The following ATMIN variants were observed in gnomAD, a reference collection of about 807,000 sequenced individuals.
ATMIN encodes ATM INteracting protein.
In ATMIN, 24 loss-of-function variants were observed where a neutral mutation model predicts 49.2. The observed-to-expected ratio is 0.49, with a 90% CI of 0.35 to 0.69. The LOEUF (loss-of-function observed/expected upper bound fraction) is 0.69. Among genes scored for constraint, ATMIN ranks in the 30% least tolerant of loss-of-function variants. ATMIN has a pLI of 0.00. For synonymous variants in ATMIN, 450 were observed against 392.5 expected (o/e 1.15, Z -1.73); for missense variants, 1,037 against 1,005.5 (o/e 1.03, Z -0.42).
chr16:81,044,537 A>T lies in ATMIN; in HGVS notation c.2039A>T (p.Asp680Val). The change falls in exon 4 of 4, where the codon GAT becomes GTT. Residue 680 changes from aspartate (D) to valine (V), a missense_variant. Transcript: ENST00000299575. ...IETQTDFLLA[D>V]TSAQSYGCRG... Reference sequence around the variant, plus strand: ...ACTCAAACGGACTTCTTACTCGCAGATACCTCTGCTCAGTCCTATGGGTGT... The same window carrying T: ...ACTCAAACGGACTTCTTACTCGCAGTTACCTCTGCTCAGTCCTATGGGTGT... The T allele has an allele frequency of 2.5e-6, 4 of 1,614,136 alleles. No individual in the cohort carries two copies. Among genetic ancestry groups the T allele is most frequent in the Non-Finnish European group, 3.4e-6 (4 of 1,180,042 alleles).
Position 81,043,684 on chromosome 16 carries a change from T to G in ATMIN, c.1186T>G (p.Leu396Val), listed in dbSNP as rs922221870. 1.2e-6 allele frequency: 2 copies of G among 1,614,066 alleles called. No homozygotes were observed. The highest frequency in any genetic ancestry group is 1.7e-6 in the Non-Finnish European group (2 of 1,180,042). The change falls in exon 4 of 4, where the codon TTA becomes GTA. Residue 396 changes from leucine (L) to valine (V), a missense_variant. Leu to Val is a conservative substitution (Grantham distance 32). Transcript: ENST00000299575. Reference protein sequence around the residue: ...VNFGKSPSNPLQELGNTCQKN... With the variant: ...VNFGKSPSNPVQELGNTCQKN... The stretch of plus-strand genomic sequence containing the variant: ...CTTTGGTAAAAGTCCATCTAATCCT[T>G]TACAAGAACTAGGGAACACGTGTCA...
chr16:81,043,841 A>G lies in ATMIN; in HGVS notation c.1343A>G (p.Asp448Gly). Reference sequence around the variant, plus strand: ...TGTTCTCAAACTGATTTGTCGTTTGATTCTCAAGTGTCTCTTCCCATTAGT... The same window carrying G: ...TGTTCTCAAACTGATTTGTCGTTTGGTTCTCAAGTGTCTCTTCCCATTAGT... ...SSCSQTDLSFDSQVSLPISVH... is the reference protein window; with the variant it reads ...SSCSQTDLSFGSQVSLPISVH... The change falls in exon 4 of 4, where the codon GAT becomes GGT. Residue 448 changes from aspartate (D) to glycine (G), a missense_variant. By Grantham distance (94) the Asp-to-Gly change is moderately conservative. Coordinates refer to ENST00000299575, the MANE Select transcript of ATMIN (RefSeq NM_015251.3). 1.9e-6 allele frequency: 3 copies of G among 1,614,190 alleles called. No homozygotes were observed. Among genetic ancestry groups the G allele is most frequent in the Non-Finnish European group, 2.5e-6 (3 of 1,180,034 alleles).
chr16:81,041,604 T>A, intron 2 of ATMIN, 123 bp downstream of exon 2: 1 of 1,296,214 alleles, frequency 7.7e-7, no homozygotes, highest in Non-Finnish European at 1.1e-6. Flanking sequence ...CCTGCGTGTC[T>A]CCCAGTTGGT....
rs1971087725 is a variant in ATMIN, at chr16:81,044,535, A to G, written c.2037A>G (p.Ala679=). ...AGACTCAAACGGACTTCTTACTCGC[A>G]GATACCTCTGCTCAGTCCTATGGGT... ...DIETQTDFLL[A]DTSAQSYGCR... is the part of the protein sequence containing the mutation. Residue 679 remains alanine, a synonymous_variant, in exon 4 of 4, where the codon GCA becomes GCG. Transcript: ENST00000299575. 3 of 1,614,004 alleles carry G rather than the reference A, an allele frequency of 1.9e-6. No homozygotes were observed. Among genetic ancestry groups the G allele is most frequent in the East Asian group, 2.2e-5 (1 of 44,888 alleles).
intron 2 of ATMIN, among the ~76,000 whole-genome samples, chr16:81,041,867 A>C (rs1971042219): frequency 6.6e-6 from 1 of 152,170 alleles, no homozygotes. Flanking sequence ...TGGAAGCCGC[A>C]ATCTTAAGAG....
At chr16:81,037,259 C>G in intron 1 of ATMIN, 1 of 985,416 alleles carries the variant, frequency 1.0e-6, no homozygotes, top group Non-Finnish European at 1.2e-6. Context: ...TTTTGATGAT[C>G]AGGAGTAAAT....
Position 81,043,243 on chromosome 16 carries a change from A to G in ATMIN, c.745A>G (p.Asn249Asp). The change falls in exon 4 of 4, where the codon AAC (asparagine) becomes GAC (aspartate). Residue 249 changes from asparagine to aspartate, a missense_variant. Asn to Asp is a conservative substitution (Grantham distance 23). Coordinates refer to ENST00000299575, the MANE Select transcript of ATMIN (RefSeq NM_015251.3). ...LSNKTIESLN[N>D]QPIPRPDTQE... is the part of the protein sequence containing the mutation. ...CAACAAGACCATTGAATCATTGAAC[A>G]ACCAACCAATCCCTAGACCAGACAC... 1 of 1,614,184 alleles carries G rather than the reference A, an allele frequency of 6.2e-7. No individual in the cohort carries two copies.
intron 1 of ATMIN, chr16:81,037,481 C>G: frequency 1.0e-6 from 1 of 985,448 alleles, no homozygotes; most frequent in African/African-American, 1.7e-5. Context: ...CTGAGGTATG[C>G]TGAGGAAGAC....
In ATMIN at chr16:81,041,499, G is replaced by T; in HGVS notation, c.462+18G>T. The T allele has an allele frequency of 6.3e-7, 1 of 1,591,062 alleles. No individual in the cohort carries two copies. The highest frequency in any genetic ancestry group is 8.5e-7 in the Non-Finnish European group (1 of 1,174,110). ...TAAAACAGGTACTCTCTACTCTGAGGATGAGATACAGATGCTAAAAACCTA... is the reference window on the plus strand; with the variant it reads ...TAAAACAGGTACTCTCTACTCTGAGTATGAGATACAGATGCTAAAAACCTA... On this transcript the variant is annotated intron_variant, in intron 2 of 3. Transcript: ENST00000299575.
In ATMIN at chr16:81,044,186, C is replaced by A. The variant is rs1241599024; in HGVS notation, c.1688C>A (p.Ala563Glu). Residue 563 changes from alanine (A) to glutamate (E), a missense_variant, in exon 4 of 4, where the codon GCA (alanine) becomes GAA (glutamate). Coordinates refer to ENST00000299575, the MANE Select transcript of ATMIN (RefSeq NM_015251.3). Reference sequence around the variant, plus strand: ...TTAAATCAAGATATTGAGAAATCTGCACCAATTATAAATTTCAGTGCACAG... The same window carrying A: ...TTAAATCAAGATATTGAGAAATCTGAACCAATTATAAATTTCAGTGCACAG... ...KTLNQDIEKS[A>E]PIINFSAQNS... 6.2e-7 allele frequency: 1 copy of A among 1,614,074 alleles called. No homozygotes were observed. Among genetic ancestry groups the A allele is most frequent in the African/African-American group, 1.3e-5 (1 of 75,056 alleles).
intron 1 of ATMIN, among the ~76,000 whole-genome samples, 176 bp downstream of exon 1, chr16:81,036,382 C>A (rs1970934104): frequency 6.6e-6 from 1 of 151,918 alleles, no homozygotes; most frequent in African/African-American, 2.4e-5. Context: ...TCGCGGCAGG[C>A]GCCGCAGGTG....
intron 1 of ATMIN, among the ~76,000 whole-genome samples, chr16:81,039,876 T>C (rs980787311): frequency 3.9e-5 from 6 of 152,236 alleles, no homozygotes; most frequent in African/African-American, 1.2e-4. Flanking sequence ...TAGACTATAC[T>C]GTACAAAGAT....
intron 1 of ATMIN, among the ~76,000 whole-genome samples, chr16:81,038,800 T>G (rs1970990280): frequency 6.6e-6 from 1 of 151,974 alleles, no homozygotes; most frequent in Non-Finnish European, 1.5e-5. Flanking sequence ...ACATTGTTCT[T>G]TTTGTTTGTT....
At position 81,036,193 on chromosome 16, in the gene ATMIN, G is replaced by C; in HGVS notation, c.323G>C (p.Ser108Thr). Residue 108 changes from serine to threonine, a missense_variant, in exon 1 of 4, where the codon AGC becomes ACC. Coordinates refer to ENST00000299575, the MANE Select transcript of ATMIN (RefSeq NM_015251.3). ...SPALNMHLVK[S>T]HRLQDGIVNP... The stretch of plus-strand genomic sequence containing the variant: ...GCGCTCAACATGCACCTAGTCAAGA[G>C]CCACCGCCTGCAGGTGAGCCCGACG... 2 of 1,449,454 alleles carry C rather than the reference G, an allele frequency of 1.4e-6. No homozygotes were observed. The highest frequency in any genetic ancestry group is 1.3e-5 in the South Asian group (1 of 79,346). 89.8% of individuals were successfully genotyped at this position (1,449,454 alleles called of 1,614,324 possible). A position where few individuals can be genotyped will look rare whatever the true frequency, so the allele number is the denominator to read the frequency against.
At position 81,043,573 on chromosome 16, in the gene ATMIN, G is replaced by T. The variant is rs769394978; in HGVS notation, c.1075G>T (p.Ala359Ser). Residue 359 changes from alanine to serine, a missense_variant, in exon 4 of 4, where the codon GCT becomes TCT. Transcript: ENST00000299575. ...CCTGATCCTCGGCCTAGATTCAGAG[G>T]CTTGCTCTCTTAAGGAGAGCCTACC... is the stretch of plus-strand genomic sequence containing the variant. ...GTLILGLDSE[A>S]CSLKESLPLF... 1 of 1,614,088 alleles carries T rather than the reference G, an allele frequency of 6.2e-7. No homozygotes were observed. The highest frequency in any genetic ancestry group is 8.5e-7 in the Non-Finnish European group (1 of 1,180,044).
intron 1 of ATMIN, chr16:81,037,404 C>T (rs546593085): frequency 7.1e-6 from 7 of 985,408 alleles, no homozygotes; most frequent in Non-Finnish European, 8.4e-6. Context: ...TCTGCTCTTA[C>T]CACCATCTAA....
chr16:81,036,995 G>T (rs1274238153), intron 1 of ATMIN, among the ~76,000 whole-genome samples: 1 of 152,192 alleles, frequency 6.6e-6, no homozygotes, highest in Non-Finnish European at 1.5e-5. Context: ...TTCTTTAAGA[G>T]GGGGACACAG....
chr16:81,043,343 A>G lies in ATMIN; in HGVS notation c.845A>G (p.Gln282Arg), dbSNP rs1336385000. The stretch of plus-strand genomic sequence containing the variant: ...TCTTGTGGCTCTAACACTGACAAGC[A>G]GACTCTTACAACACCACCGAGATAT... The part of the protein sequence containing the change: ...EDSCGSNTDK[Q>R]TLTTPPRYPQ... Residue 282 changes from glutamine (Q) to arginine (R), a missense_variant, in exon 4 of 4, where the codon CAG (glutamine) becomes CGG (arginine). By Grantham distance (43) the Gln-to-Arg change is conservative. Transcript: ENST00000299575. The G allele has an allele frequency of 6.2e-7, 1 of 1,603,250 alleles. No homozygotes were observed. Among genetic ancestry groups the G allele is most frequent in the African/African-American group, 1.4e-5 (1 of 71,312 alleles).
In ATMIN at chr16:81,045,146, G is replaced by A; in HGVS notation, c.*176G>A. ...AACAGAAATTTGCGTATAAATGTGA[G>A]TGTATTATAAAGTTTGAGATGTTGA... On this transcript the variant is annotated 3_prime_UTR_variant, in exon 4 of 4. Coordinates refer to ENST00000299575, the MANE Select transcript of ATMIN (RefSeq NM_015251.3). The A allele has an allele frequency of 3.6e-6, 3 of 827,240 alleles. No individual in the cohort carries two copies. The highest frequency in any genetic ancestry group is 3.6e-6 in the Non-Finnish European group (2 of 558,084). The allele number at this position is 827,240 out of a possible 1,614,324, so 51.2% of individuals were successfully genotyped here.
Sources: allele counts gnomAD v4.1 joint callset (sites outside exome capture counted in the v4.1 genomes callset), GRCh38; gene constraint gnomAD v4.1.1; transcripts MANE v1.5; gene names NCBI Gene and HGNC (gene_info 2026-07-23, HGNC 2026-07-21).